NNT: variants seen among roughly 807,000 people sequenced by gnomAD.
NNT encodes the protein nicotinamide nucleotide transhydrogenase, also known as NAD(P) transhydrogenase, mitochondrial.
NNT carries 50 observed loss-of-function variants against 104.8 expected under a neutral mutation model. The observed-to-expected ratio is 0.48, with a 90% CI of 0.38 to 0.60. The LOEUF is 0.60. Among genes scored for constraint, NNT ranks in the 20% least tolerant of loss-of-function variants. The pLI is 0.00. For missense variants in NNT, 1,131 were observed against 1,330.7 expected (o/e 0.85, Z 2.33); for synonymous variants, 461 against 490.4 (o/e 0.94, Z 0.79).
chr5:43,653,122 T>G lies in NNT; in HGVS notation c.1968T>G (p.Ala656=), dbSNP rs757790311. The G allele has an allele frequency of 6.2e-7, 1 of 1,614,164 alleles. No homozygotes were observed. The highest frequency in any genetic ancestry group is 8.5e-7 in the Non-Finnish European group (1 of 1,180,018). The stretch of plus-strand genomic sequence containing the variant: ...ATGCACTGGGCATGATTGGGGTTGC[T>G]GGAGGACTGGCAGCCACCCTCGGAG... ...LGNALGMIGV[A]GGLAATLGVL... The change falls in exon 14 of 22, where the codon GCT becomes GCG. Residue 656 remains alanine, a synonymous_variant. Transcript: ENST00000344920.
intron 7 of NNT, among the ~76,000 whole-genome samples, chr5:43,643,969 A>G (rs968242778): frequency 1.2e-4 from 19 of 152,228 alleles, no homozygotes; most frequent in African/African-American, 3.4e-4. Flanking sequence ...CCTGCTTGCC[A>G]GCCACATGGC....
At chr5:43,645,979 C>T (rs1461145474) in intron 10 of NNT, among the ~76,000 whole-genome samples, 3 of 151,768 alleles carry the variant, frequency 2.0e-5, no homozygotes, top group Admixed American at 6.6e-5. Flanking sequence ...TCCCAAAGTG[C>T]TGAGATTACA....
chr5:43,682,314 G>T (rs774209521), intron 19 of NNT, among the ~76,000 whole-genome samples: 1 of 149,124 alleles, frequency 6.7e-6, no homozygotes, highest in Non-Finnish European at 1.5e-5. Flanking sequence ...AGGTTTAAGC[G>T]ATTCTCCCAC....
intron 6 of NNT, among the ~76,000 whole-genome samples, chr5:43,627,389 T>C (rs186313531): frequency 5.3e-5 from 8 of 152,260 alleles, no homozygotes; most frequent in African/African-American, 1.9e-4. Context: ...AATAATATAG[T>C]GTCTGGCCTG....
chr5:43,647,023 C>G (rs1333939864), intron 10 of NNT, among the ~76,000 whole-genome samples: 1 of 152,126 alleles, frequency 6.6e-6, no homozygotes, highest in South Asian at 2.1e-4. Context: ...ATGTTTAGAT[C>G]TATTCAGAGC....
chr5:43,619,875 C>A (rs978707862), intron 5 of NNT, among the ~76,000 whole-genome samples: 16 of 152,256 alleles, frequency 1.1e-4, no homozygotes, highest in Admixed American at 8.5e-4. Context: ...TGCTTCAACT[C>A]ATGGTGGACA....
At chr5:43,657,180 A>G (rs1561296674) in intron 16 of NNT, among the ~76,000 whole-genome samples, 1 of 152,234 alleles carries the variant, frequency 6.6e-6, no homozygotes, top group African/African-American at 2.4e-5. Context: ...TTTATACAAT[A>G]CAAGTAAGAT....
At chr5:43,646,608 T>G (rs925967456) in intron 10 of NNT, among the ~76,000 whole-genome samples, 1 of 152,166 alleles carries the variant, frequency 6.6e-6, no homozygotes, top group African/African-American at 2.4e-5. Context: ...AGAAGTGATG[T>G]ATGCCATATT....
intron 17 of NNT, chr5:43,667,139 G>A: frequency 1.3e-6 from 2 of 1,494,476 alleles, no homozygotes; most frequent in South Asian, 2.3e-5. Flanking sequence ...ACCCCCTTAA[G>A]AGATTCGTAT....
chr5:43,619,772 G>C (rs1473436804), intron 5 of NNT, among the ~76,000 whole-genome samples: 2 of 152,164 alleles, frequency 1.3e-5, no homozygotes, highest in African/African-American at 4.8e-5. Context: ...CTGAGACTGG[G>C]TAATTTATTT....
At chr5:43,623,904 T>C in intron 5 of NNT, 128 bp from the exon 6 acceptor site, 1 of 841,282 alleles carries the variant, frequency 1.2e-6, no homozygotes, top group Non-Finnish European at 2.1e-6. Context: ...GGGCTGATCA[T>C]CATTATCACC....
intron 19 of NNT, among the ~76,000 whole-genome samples, chr5:43,697,933 G>A (rs1277023088): frequency 1.3e-5 from 2 of 151,462 alleles, no homozygotes; most frequent in Non-Finnish European, 2.9e-5. Context: ...GAATCAAGAT[G>A]AGATTTGAGC....
chr5:43,618,909 A>G (rs1031883981), intron 4 of NNT, 123 bp from the exon 5 acceptor site: 23 of 484,488 alleles, frequency 4.7e-5, no homozygotes, highest in Non-Finnish European at 6.4e-5. Flanking sequence ...CACATAGTAC[A>G]TACTACATAA....
chr5:43,615,160 T>TAAATAAAATAAA (rs1237175012), intron 3 of NNT, among the ~76,000 whole-genome samples: 11 of 151,502 alleles, frequency 7.3e-5, no homozygotes, highest in South Asian at 4.2e-4. Flanking sequence ...CAAAAAAAAA[T>TAAATAAAATAAA]AAATAAAATA....
Position 43,626,955 on chromosome 5 carries a change from A to G in NNT, c.777-1245A>G, listed in dbSNP as rs1464875117. On this transcript the variant is annotated intron_variant, in intron 6 of 21. Coordinates refer to ENST00000344920, the MANE Select transcript of NNT (RefSeq NM_182977.3). ...TTGGTAGACAATTCTGAAGCTTTTT[A>G]AAGAACTATATCCCTATGGCTGCCA... Among the ~76,000 whole-genome samples, 3 of 152,224 alleles carry G rather than the reference A, an allele frequency of 2.0e-5. No individual in the cohort carries two copies. In the East Asian group the frequency reaches 5.8e-4, roughly 29 times the overall value.
intron 7 of NNT, among the ~76,000 whole-genome samples, chr5:43,639,772 G>A (rs964046497): frequency 6.6e-6 from 1 of 152,084 alleles, no homozygotes; most frequent in Admixed American, 6.6e-5. Context: ...CCTTCCAGGG[G>A]AACTTAATGT....
At chr5:43,668,383 G>T (rs1740838792) in intron 17 of NNT, among the ~76,000 whole-genome samples, 1 of 152,038 alleles carries the variant, frequency 6.6e-6, no homozygotes, top group African/African-American at 2.4e-5. Flanking sequence ...GTATTGCCTA[G>T]GTTTTCTTCT....
intron 8 of NNT, 122 bp from the exon 9 acceptor site, chr5:43,644,489 G>T: frequency 9.0e-7 from 1 of 1,109,206 alleles, no homozygotes; most frequent in Non-Finnish European, 1.3e-6. Context: ...TTATGGGTAT[G>T]TATGTATATT....
At chr5:43,607,664 G>GCA (rs1749298953) in intron 1 of NNT, among the ~76,000 whole-genome samples, 1 of 152,166 alleles carries the variant, frequency 6.6e-6, no homozygotes, top group African/African-American at 2.4e-5. Flanking sequence ...TGTTGCCCAG[G>GCA]CTGGTCTTGA....
Sources: gnomAD v4.1 joint callset for allele counts (sites outside exome capture counted in the v4.1 genomes callset) on GRCh38, gnomAD v4.1.1 for gene constraint, MANE v1.5 for transcripts, NCBI Gene and HGNC (gene_info 2026-07-23, HGNC 2026-07-21) for gene names.